GNG7: variants seen among roughly 807,000 people sequenced by gnomAD.
GNG7 encodes the protein guanine nucleotide-binding protein G(I)/G(S)/G(O) subunit gamma-7.
Under a neutral mutation model 4.0 loss-of-function variants are expected in GNG7, and 1 was observed. The ratio of observed to expected loss-of-function variants is 0.25; its 90% CI spans 0.09 to 1.18. The LOEUF is 1.18. Among genes scored for constraint, GNG7 ranks in the 50% most tolerant of loss-of-function variants. The pLI is 0.50. For synonymous variants in GNG7, 34 were observed against 36.9 expected, an observed-to-expected ratio of 0.92 and a Z score of 0.29; for missense variants, 86 against 91.9, an observed-to-expected ratio of 0.94 and a Z score of 0.26.
At chr19:2,560,008 A>T (rs1979691848) in intron 2 of GNG7, among the ~76,000 whole-genome samples, 1 of 151,756 alleles carries the variant, frequency 6.6e-6, no homozygotes. Context: ...AAAAACGCAA[A>T]CCCCGAGGCT....
rs532439167 is a variant in GNG7 at position 2,681,928 on chromosome 19, G to C, written c.-135+20718C>G. ...AGTTTCTGTTTCTTTGTTTTTGTTT[G>C]AGATGGAGTCTTGCTCTGTTGCCCA... On this transcript the variant is annotated intron_variant, in intron 1 of 4. Transcript: ENST00000382159. Among the ~76,000 whole-genome samples the C allele has an allele frequency of 2.0e-4, 30 of 152,250 alleles. 1 individual carries two copies. The East Asian group carries it at 4.6e-3, about 24-fold the overall frequency.
rs1568272569 is a variant in GNG7, at chr19:2,644,382, A to ATAG, written c.-78+1841_-78+1842insCTA. ...ATATATATATATATATATATATATAATGCTCTATCTATACATGCATCATGT... is the reference window on the plus strand; with the variant it reads ...ATATATATATATATATATATATATAATAGTGCTCTATCTATACATGCATCATGT... On this transcript the variant is annotated intron_variant, in intron 2 of 4. Transcript: ENST00000382159. Among the ~76,000 whole-genome samples the ATAG allele has an allele frequency of 5.5e-3, 597 of 109,012 alleles. 42 individuals are homozygous for ATAG. The highest frequency in any genetic ancestry group is 6.9e-3 in the Non-Finnish European group (379 of 55,268). 71.5% of individuals were successfully genotyped at this position (109,012 alleles called of 152,430 possible).
chr19:2,548,395 G>A (rs1414537307), intron 3 of GNG7, among the ~76,000 whole-genome samples: 1 of 145,996 alleles, frequency 6.8e-6, no homozygotes, highest in Admixed American at 6.9e-5. Context: ...GCAGGAGAAT[G>A]CCGTGAACTC....
At chr19:2,598,007 T>C (rs897159977) in intron 2 of GNG7, among the ~76,000 whole-genome samples, 2 of 152,030 alleles carry the variant, frequency 1.3e-5, no homozygotes, top group Admixed American at 1.3e-4. Flanking sequence ...TGTGCATGTG[T>C]AGGAAAAGTC....
chr19:2,568,803 T>C (rs757067878), intron 2 of GNG7, among the ~76,000 whole-genome samples: 54 of 150,380 alleles, frequency 3.6e-4, no homozygotes, highest in Non-Finnish European at 6.8e-4. Flanking sequence ...TACACGCACA[T>C]ATATACACAC....
rs140351683 is a variant in GNG7, at chr19:2,680,624, G to A, written c.-135+22022C>T. ...GAGTTTCCCTCTTGTTGCCCAGGCTGGAATGCAATGGTGAGATCTCAGCCC... is the reference window on the plus strand; with the variant it reads ...GAGTTTCCCTCTTGTTGCCCAGGCTAGAATGCAATGGTGAGATCTCAGCCC... On this transcript the variant is annotated intron_variant, in intron 1 of 4. Coordinates refer to ENST00000382159, the MANE Select transcript of GNG7 (RefSeq NM_052847.3). 3.2e-3 allele frequency among the ~76,000 whole-genome samples: 446 copies of A among 138,584 alleles called. 2 individuals carry two copies. Among genetic ancestry groups the A allele is most frequent in the Middle Eastern group, 0.018 (4 of 224 alleles). 90.9% of individuals were successfully genotyped at this position (138,584 alleles called of 152,430 possible).
At chr19:2,636,889 C>T (rs555567201) in intron 2 of GNG7, among the ~76,000 whole-genome samples, 22 of 151,982 alleles carry the variant, frequency 1.4e-4, no homozygotes, top group Admixed American at 2.6e-4. Flanking sequence ...TCCATCCCCA[C>T]CTGCACCCAC....
At chr19:2,525,021 C>T (rs1381687881) in intron 3 of GNG7, among the ~76,000 whole-genome samples, 4 of 152,066 alleles carry the variant, frequency 2.6e-5, no homozygotes, top group Non-Finnish European at 4.4e-5. Context: ...TCGGTGGTGT[C>T]ACCAGCCGGC....
Position 2,557,864 on chromosome 19 carries a change from CAG to C in GNG7, c.-77-2678_-77-2677del, listed in dbSNP as rs1265140439. 9.2e-5 allele frequency among the ~76,000 whole-genome samples: 14 copies of C among 151,816 alleles called. No homozygotes were observed. Among genetic ancestry groups the C allele is most frequent in the Admixed American group, 2.6e-4 (4 of 15,228 alleles). On this transcript the variant is annotated intron_variant, in intron 2 of 4. Transcript: ENST00000382159. This position sits in a 1 kb window ranked among gnomAD's most constrained non-coding sequence, Gnocchi z 5.1. The stretch of plus-strand genomic sequence containing the variant: ...AGGCTTACTTTTTTTCTCTTTGAGA[CAG>C]AGTCTCACTCTGTCGCCCAGGCTGG...
rs1313788506 is a variant in GNG7 at position 2,513,046 on chromosome 19, A to C, written c.*1976T>G. On this transcript the variant is annotated 3_prime_UTR_variant, in exon 5 of 5. Transcript: ENST00000382159. ...CCCAGCCCTCCCGGACCTGCCGTAG[A>C]GAGCTGGGTGCCGGGGGTGGGGAGC... The C allele has an allele frequency of 9.1e-6, 9 of 985,316 alleles. No individual in the cohort carries two copies. Among genetic ancestry groups the C allele is most frequent in the Non-Finnish European group, 1.1e-5 (9 of 829,928 alleles). The allele number at this position is 985,316 out of a possible 1,614,324, so 61.0% of individuals were successfully genotyped here.
intron 4 of GNG7, among the ~76,000 whole-genome samples, chr19:2,520,188 C>T (rs976362633): frequency 4.0e-5 from 6 of 150,310 alleles, no homozygotes; most frequent in South Asian, 2.1e-4. Context: ...CTCAAACAAA[C>T]AAAACAAACA....
At chr19:2,541,343 C>T (rs1383119555) in intron 3 of GNG7, among the ~76,000 whole-genome samples, 1 of 151,980 alleles carries the variant, frequency 6.6e-6, no homozygotes, top group South Asian at 2.1e-4. Context: ...CTTGGGGAAG[C>T]GAAGCCGAAT....
At chr19:2,679,949 A>G (rs1053952812) in intron 1 of GNG7, among the ~76,000 whole-genome samples, 2 of 152,118 alleles carry the variant, frequency 1.3e-5, no homozygotes, top group South Asian at 2.1e-4. Flanking sequence ...CCACAGCTCT[A>G]TTAGGCTTGA....
chr19:2,593,246 C>A (rs1322876910), intron 2 of GNG7, among the ~76,000 whole-genome samples: 1 of 151,992 alleles, frequency 6.6e-6, no homozygotes, highest in Non-Finnish European at 1.5e-5. Context: ...TCACCAACGG[C>A]CTGATGTTGT....
intron 2 of GNG7, among the ~76,000 whole-genome samples, 158 bp from the exon 3 acceptor site, chr19:2,555,346 C>T (rs1979511001): frequency 6.6e-6 from 1 of 152,144 alleles, no homozygotes; most frequent in African/African-American, 2.4e-5. Context: ...CCGGAGAAAA[C>T]GGGGGCAGAA....
chr19:2,696,359 A>G lies in GNG7; in HGVS notation c.-135+6287T>C, dbSNP rs550312201. On this transcript the variant is annotated intron_variant, in intron 1 of 4. Transcript: ENST00000382159. ...GAAAGAAAGAAAGAAAAGAAAGAAA[A>G]GAAAGAAAGAAAGGAAAGGAAGGGA... Among the ~76,000 whole-genome samples the G allele has an allele frequency of 3.1e-3, 450 of 146,922 alleles. 1 individual carries two copies. The highest frequency in any genetic ancestry group is 0.011 in the African/African-American group (419 of 37,358).
chr19:2,581,324 T>G (rs1285340756), intron 2 of GNG7, among the ~76,000 whole-genome samples: 23 of 2,914 alleles, frequency 7.9e-3, no homozygotes, highest in East Asian at 9.4e-3. Flanking sequence ...GGAGGGGTGA[T>G]GGGGGTGGGG....
At chr19:2,608,262 G>T (rs1168481246) in intron 2 of GNG7, among the ~76,000 whole-genome samples, 2 of 151,826 alleles carry the variant, frequency 1.3e-5, no homozygotes, top group African/African-American at 4.8e-5. Context: ...AGACCGAAAC[G>T]CAAGAGTAAT....
chr19:2,575,117 C>T (rs1339224674), intron 2 of GNG7, among the ~76,000 whole-genome samples: 4 of 139,324 alleles, frequency 2.9e-5, no homozygotes, highest in South Asian at 2.2e-4. Flanking sequence ...TGGGGTCTTG[C>T]TCTATTGCCC....
Sources: gnomAD v4.1 joint callset for allele counts (sites outside exome capture counted in the v4.1 genomes callset) on GRCh38, gnomAD v4.1.1 for gene constraint, Gnocchi (gnomAD v3.1) non-coding constraint, MANE v1.5 for transcripts, NCBI Gene and HGNC (gene_info 2026-07-23, HGNC 2026-07-21) for gene names.